MCF2L2: variants seen among roughly 807,000 people sequenced by gnomAD.
MCF2L2 encodes the protein probable guanine nucleotide exchange factor MCF2L2.
MCF2L2 carries 102 observed loss-of-function variants against 150.2 expected under a neutral mutation model. That is an observed-to-expected ratio of 0.68 (90% confidence interval 0.58 to 0.80). The LOEUF (loss-of-function observed/expected upper bound fraction) is 0.80, where lower values mean the gene tolerates loss of function less well. MCF2L2 is among the 30% of genes least tolerant of loss of function. The probability of loss-of-function intolerance (pLI) is 0.00; values close to 1 mark genes in which losing one functional copy is unlikely to be tolerated. For missense variants in MCF2L2, 1,256 were observed against 1,372.8 expected (o/e 0.91, Z 1.34); for synonymous variants, 465 against 491.3 (o/e 0.95, Z 0.71).
In MCF2L2 at chr3:183,360,986, A is replaced by AG. The variant is rs1560040059; in HGVS notation, c.275+18310_275+18311insC. ...AAGAAAAGAAAAGAAAAGAAAAGAA[A>AG]AGAAAAGAAAAGAAAAGAAAAGAAA... On this transcript the variant is annotated intron_variant, in intron 3 of 29. Coordinates refer to ENST00000328913, the MANE Select transcript of MCF2L2 (RefSeq NM_015078.4). Among the ~76,000 whole-genome samples the AG allele has an allele frequency of 1.5e-5, 2 of 130,220 alleles. 1 individual carries two copies. Among genetic ancestry groups the AG allele is most frequent in the East Asian group, 4.3e-4 (2 of 4,656 alleles). 85.4% of individuals were successfully genotyped at this position (130,220 alleles called of 152,430 possible). A position where few individuals can be genotyped will look rare whatever the true frequency, so the allele number is the denominator to read the frequency against.
At chr3:183,357,777 C>G (rs1013633652) in intron 3 of MCF2L2, among the ~76,000 whole-genome samples, 1 of 151,288 alleles carries the variant, frequency 6.6e-6, no homozygotes, top group African/African-American at 2.4e-5. Context: ...GGACCAAGAC[C>G]TACAAGTAAT....
intron 27 of MCF2L2, among the ~76,000 whole-genome samples, chr3:183,185,101 G>A (rs537758628): frequency 3.9e-5 from 6 of 152,154 alleles, no homozygotes; most frequent in Non-Finnish European, 8.8e-5. Context: ...TGTAATATCA[G>A]TAGAGACAGG....
intron 3 of MCF2L2, among the ~76,000 whole-genome samples, chr3:183,350,518 G>T (rs1304194713): frequency 2.6e-5 from 4 of 152,152 alleles, no homozygotes; most frequent in Non-Finnish European, 4.4e-5. Flanking sequence ...TATGAGGTTG[G>T]TGATAACATT....
At chr3:183,333,285 G>A (rs1730340740) in intron 5 of MCF2L2, among the ~76,000 whole-genome samples, 1 of 152,264 alleles carries the variant, frequency 6.6e-6, no homozygotes, top group Non-Finnish European at 1.5e-5. Flanking sequence ...GACCCCAGAT[G>A]ATCTGCCCAC....
At chr3:183,358,335 A>G (rs1711913308) in intron 3 of MCF2L2, among the ~76,000 whole-genome samples, 1 of 152,184 alleles carries the variant, frequency 6.6e-6, no homozygotes, top group Admixed American at 6.5e-5. Context: ...AAGAAAAAGA[A>G]GAGTGTGGTG....
chr3:183,278,194 A>G (rs1727269185), intron 14 of MCF2L2, among the ~76,000 whole-genome samples: 1 of 137,696 alleles, frequency 7.3e-6, no homozygotes, highest in Non-Finnish European at 1.5e-5. Flanking sequence ...AAAAGAAAAA[A>G]TATATATATA....
intron 15 of MCF2L2, among the ~76,000 whole-genome samples, chr3:183,251,697 G>A (rs1309294740): frequency 6.6e-6 from 1 of 151,946 alleles, no homozygotes; most frequent in East Asian, 1.9e-4. Flanking sequence ...CTTGATAAAA[G>A]TAACTGAGCA....
intron 3 of MCF2L2, among the ~76,000 whole-genome samples, chr3:183,361,570 A>G (rs1018822230): frequency 6.6e-6 from 1 of 152,118 alleles, no homozygotes; most frequent in Non-Finnish European, 1.5e-5. Flanking sequence ...TTCGCCTTCC[A>G]CTGTGATTGT....
At chr3:183,309,961 T>G (rs1306341998) in intron 9 of MCF2L2, 126 bp from the exon 10 acceptor site, 5 of 1,120,734 alleles carry the variant, frequency 4.5e-6, no homozygotes, top group Non-Finnish European at 3.7e-6. Flanking sequence ...TATCTATATA[T>G]GTTAAAAATT....
intron 15 of MCF2L2, among the ~76,000 whole-genome samples, chr3:183,250,458 A>C (rs1051495949): frequency 6.6e-6 from 1 of 152,054 alleles, no homozygotes; most frequent in Non-Finnish European, 1.5e-5. Context: ...GTGGTGGTGC[A>C]TGACTGTAAT....
At chr3:183,320,094 CTT>C (rs568657208) in intron 6 of MCF2L2, among the ~76,000 whole-genome samples, 23 of 134,592 alleles carry the variant, frequency 1.7e-4, no homozygotes, top group Non-Finnish European at 1.8e-4. Flanking sequence ...TTTTTCTTTT[CTT>C]TTTTTTTTTT....
At chr3:183,269,081 T>C (rs1726444257) in intron 15 of MCF2L2, among the ~76,000 whole-genome samples, 1 of 152,170 alleles carries the variant, frequency 6.6e-6, no homozygotes, top group Admixed American at 6.5e-5. Context: ...TAATGGATTT[T>C]TACTGCTGTG....
Position 183,195,507 on chromosome 3 carries a change from G to A in MCF2L2, c.2885-252C>T, listed in dbSNP as rs146156977. Among the ~76,000 whole-genome samples, 933 of 152,174 alleles carry A rather than the reference G, an allele frequency of 6.1e-3. 6 individuals carry two copies. Among genetic ancestry groups the A allele is most frequent in the Middle Eastern group, 0.014 (4 of 294 alleles). On this transcript the variant is annotated intron_variant, in intron 25 of 29. Transcript: ENST00000328913. ...TGAGTTTCTGGCATGCATTGGTTCT[G>A]GGTCTGTCCAAGTTTCTACTGTTAG...
At chr3:183,255,762 G>A (rs1333405185) in intron 15 of MCF2L2, among the ~76,000 whole-genome samples, 1 of 150,612 alleles carries the variant, frequency 6.6e-6, no homozygotes, top group Non-Finnish European at 1.5e-5. Flanking sequence ...TTAAAATGGT[G>A]ATCAGTTTTC....
At chr3:183,244,055 C>T (rs185167427) in intron 15 of MCF2L2, among the ~76,000 whole-genome samples, 34 of 151,990 alleles carry the variant, frequency 2.2e-4, no homozygotes, top group East Asian at 7.7e-4. Flanking sequence ...ATCCAGGAGG[C>T]GGAGCTTGCA....
At chr3:183,376,492 G>T (rs985612826) in intron 3 of MCF2L2, 1 of 152,170 alleles carries the variant, frequency 6.6e-6, no homozygotes, top group Non-Finnish European at 1.5e-5. Flanking sequence ...AAATGCCACT[G>T]GGCCAAAGAC....
chr3:183,281,973 A>C (rs1727509739), intron 14 of MCF2L2, among the ~76,000 whole-genome samples: 1 of 147,244 alleles, frequency 6.8e-6, no homozygotes, highest in Admixed American at 6.9e-5. Flanking sequence ...TAGCTTCCTG[A>C]AGCTTGCAGC....
Position 183,269,835 on chromosome 3 carries a change from T to C in MCF2L2, c.1862+7037A>G, listed in dbSNP as rs200215381. 1.8e-5 allele frequency: 29 copies of C among 1,611,912 alleles called. No individual in the cohort carries two copies. The highest frequency in any genetic ancestry group is 2.4e-5 in the Non-Finnish European group (28 of 1,179,140). The stretch of plus-strand genomic sequence containing the variant: ...GGTTAGTGGCAGAAGAGTCAAAAAA[T>C]GGCAGTTAATTATTCAGTTATTTGC... On this transcript the variant is annotated intron_variant, in intron 15 of 29. Transcript: ENST00000328913.
At chr3:183,268,970 C>A (rs1726432000) in intron 15 of MCF2L2, among the ~76,000 whole-genome samples, 3 of 151,872 alleles carry the variant, frequency 2.0e-5, no homozygotes, top group African/African-American at 7.3e-5. Context: ...TGAGAGTTTG[C>A]TTTCAAGGAG....
Sources: allele counts gnomAD v4.1 joint callset (sites outside exome capture counted in the v4.1 genomes callset), GRCh38; gene constraint gnomAD v4.1.1; transcripts MANE v1.5; gene names NCBI Gene and HGNC (gene_info 2026-07-23, HGNC 2026-07-21).